The following TMEM9 variants were observed in gnomAD, a reference collection of about 807,000 sequenced individuals.
The protein encoded by TMEM9 is proton-transporting V-type ATPase complex assembly regulator TMEM9.
Under a neutral mutation model 22.8 loss-of-function variants are expected in TMEM9, and 13 were observed. The observed-to-expected ratio is 0.57, with a 90% CI of 0.37 to 0.91. The LOEUF (loss-of-function observed/expected upper bound fraction) is 0.91, where lower values mean the gene tolerates loss of function less well. Among genes scored for constraint, TMEM9 ranks in the 40% least tolerant of loss-of-function variants. The pLI is 0.01. For synonymous variants in TMEM9, 88 were observed against 93.0 expected, an observed-to-expected ratio of 0.95 and a Z score of 0.31; for missense variants, 182 against 238.1, an observed-to-expected ratio of 0.76 and a Z score of 1.55.
chr1:201,169,637 T>C (rs1666165592), intron 1 of TMEM9, among the ~76,000 whole-genome samples: 1 of 152,158 alleles, frequency 6.6e-6, no homozygotes, highest in South Asian at 2.1e-4. Context: ...GGGGATGTCA[T>C]GTGGAAGAGA....
At chr1:201,139,768 A>G (rs1036104588) in intron 4 of TMEM9, among the ~76,000 whole-genome samples, 31 of 152,256 alleles carry the variant, frequency 2.0e-4, no homozygotes, top group African/African-American at 7.2e-4. Flanking sequence ...TAAAGCTTCC[A>G]TACACACGAT....
upstream of TMEM9, among the ~76,000 whole-genome samples, chr1:201,155,434 G>A (rs1665759255): frequency 6.6e-6 from 1 of 152,212 alleles, no homozygotes; most frequent in Non-Finnish European, 1.5e-5. Context: ...CAGGCCCTGT[G>A]AACTGAGGTG....
chr1:201,151,035 A>G (rs1665384489), intron 2 of TMEM9, among the ~76,000 whole-genome samples: 1 of 152,076 alleles, frequency 6.6e-6, no homozygotes, highest in Non-Finnish European at 1.5e-5. Context: ...CCCCAACTCT[A>G]CACCAAGAAA....
Position 201,154,051 on chromosome 1 carries a change from G to C in TMEM9, c.-128C>G. ...TTAACCATCCGGCCAAGTGGGAATG[G>C]GGTTGGGGGCTGGGCTCCAGGATTC... On this transcript the variant is annotated 5_prime_UTR_variant, in exon 1 of 5. Coordinates refer to ENST00000367330, the MANE Select transcript of TMEM9 (RefSeq NM_001288565.2). The C allele has an allele frequency of 8.8e-7, 1 of 1,141,738 alleles. No individual in the cohort carries two copies. The highest frequency in any genetic ancestry group is 1.2e-6 in the Non-Finnish European group (1 of 823,804). 70.7% of individuals were successfully genotyped at this position (1,141,738 alleles called of 1,614,324 possible). A position where few individuals can be genotyped will look rare whatever the true frequency, so the allele number is the denominator to read the frequency against.
intron 1 of TMEM9, among the ~76,000 whole-genome samples, chr1:201,167,673 T>G (rs1180662068): frequency 6.6e-6 from 1 of 152,218 alleles, no homozygotes; most frequent in Non-Finnish European, 1.5e-5. Flanking sequence ...GTTTGGGGGA[T>G]AGGCTATTAT....
chr1:201,150,838 G>A (rs976671715), intron 2 of TMEM9, among the ~76,000 whole-genome samples: 1 of 152,154 alleles, frequency 6.6e-6, no homozygotes, highest in Non-Finnish European at 1.5e-5. Context: ...CATCTGCTTT[G>A]AGAAAGCAGG....
upstream of TMEM9, among the ~76,000 whole-genome samples, chr1:201,159,484 T>TACACACACAC: frequency 6.8e-6 from 1 of 147,700 alleles, no homozygotes; most frequent in African/African-American, 2.5e-5. Context: ...TGCCTTTTTA[T>TACACACACAC]ACACACACAC....
intron 4 of TMEM9, among the ~76,000 whole-genome samples, chr1:201,140,692 G>A (rs892002255): frequency 1.3e-5 from 2 of 152,160 alleles, no homozygotes; most frequent in African/African-American, 2.4e-5. Flanking sequence ...CTGGGTCCCA[G>A]ACTTCTGGGG....
chr1:201,135,869 T>C (rs912903433), intron 4 of TMEM9, 54 bp from the exon 5 acceptor site: 10 of 1,493,340 alleles, frequency 6.7e-6, no homozygotes, highest in Admixed American at 2.4e-5. Flanking sequence ...AGAAGGGTCT[T>C]GGATCCTGAA....
At chr1:201,150,886 A>G (rs1665371649) in intron 2 of TMEM9, among the ~76,000 whole-genome samples, 1 of 152,070 alleles carries the variant, frequency 6.6e-6, no homozygotes, top group Admixed American at 6.5e-5. Flanking sequence ...TCTGATGTTG[A>G]TCTCTTCTAC....
intron 2 of TMEM9, among the ~76,000 whole-genome samples, chr1:201,148,548 CTT>C (rs974234758): frequency 2.6e-5 from 4 of 152,236 alleles, no homozygotes; most frequent in Admixed American, 6.5e-5. Context: ...GTTCTCTTCT[CTT>C]TGAGATAAAG....
intron 4 of TMEM9, among the ~76,000 whole-genome samples, chr1:201,141,036 G>A (rs1664477883): frequency 6.6e-6 from 1 of 152,094 alleles, no homozygotes; most frequent in Admixed American, 6.5e-5. Context: ...CATCCTCCCT[G>A]CAGTTCAGCG....
chr1:201,140,046 G>C (rs943176191), intron 4 of TMEM9, among the ~76,000 whole-genome samples: 13 of 152,224 alleles, frequency 8.5e-5, no homozygotes, highest in African/African-American at 3.1e-4. Context: ...CCCAGGGCTG[G>C]GGTCCTCAGA....
intron 2 of TMEM9, 127 bp from the exon 3 acceptor site, chr1:201,146,975 G>A: frequency 1.3e-6 from 1 of 762,438 alleles, no homozygotes; most frequent in Admixed American, 2.2e-5. Flanking sequence ...TGCTCCCAGA[G>A]AGGGCCAAGG....
At chr1:201,145,782 G>C (rs967819214) in intron 3 of TMEM9, 1 of 152,218 alleles carries the variant, frequency 6.6e-6, no homozygotes, top group African/African-American at 2.4e-5. Flanking sequence ...GCAAGACAGT[G>C]AGACCCTGTC....
intron 1 of TMEM9, among the ~76,000 whole-genome samples, chr1:201,162,044 T>C (rs1448895083): frequency 6.6e-6 from 1 of 152,214 alleles, no homozygotes; most frequent in African/African-American, 2.4e-5. Flanking sequence ...ATTCCATGTA[T>C]TGAGCATCTA....
intron 2 of TMEM9, among the ~76,000 whole-genome samples, chr1:201,148,639 G>A (rs1665186802): frequency 6.6e-6 from 1 of 152,196 alleles, no homozygotes; most frequent in African/African-American, 2.4e-5. Flanking sequence ...GCTCCCTTCT[G>A]AGCTACAGGG....
At chr1:201,140,415 G>T (rs1416666648) in intron 4 of TMEM9, among the ~76,000 whole-genome samples, 3 of 152,206 alleles carry the variant, frequency 2.0e-5, no homozygotes, top group Non-Finnish European at 4.4e-5. Flanking sequence ...TGAGCCCAGG[G>T]ATTATGCCTA....
chr1:201,138,846 C>T (rs4915485), intron 4 of TMEM9, among the ~76,000 whole-genome samples: 8,105 of 152,288 alleles, frequency 0.053, 355 homozygotes, highest in Admixed American at 0.14. Context: ...AACCCATGTA[C>T]GTATATCTCT....
Sources: allele counts gnomAD v4.1 joint callset (sites outside exome capture counted in the v4.1 genomes callset), GRCh38; gene constraint gnomAD v4.1.1; transcripts MANE v1.5; gene names NCBI Gene and HGNC (gene_info 2026-07-23, HGNC 2026-07-21).